The following SKI variants were observed in gnomAD, a reference collection of about 807,000 sequenced individuals.
The protein encoded by SKI is ski oncogene.
In SKI, 23 loss-of-function variants were observed where a neutral mutation model predicts 59.3. That is an observed-to-expected ratio of 0.39 (90% CI 0.28 to 0.55). SKI has a LOEUF of 0.55. Ranked by LOEUF, SKI falls within the 20% of genes least tolerant of loss-of-function variation. The pLI, the probability that SKI is intolerant of heterozygous loss-of-function variation, is 0.67. For missense variants in SKI, 1,017 were observed against 1,038.9 expected (o/e 0.98, Z 0.29); for synonymous variants, 673 against 488.6 (o/e 1.38, Z -4.98).
At chr1:2,272,716 G>T (rs1205975427) in intron 1 of SKI, among the ~76,000 whole-genome samples, 1 of 152,236 alleles carries the variant, frequency 6.6e-6, no homozygotes, top group Admixed American at 6.5e-5. Flanking sequence ...AAAACTCCCT[G>T]TTGAGGCCTT....
intron 1 of SKI, among the ~76,000 whole-genome samples, chr1:2,232,887 A>C (rs536779257): frequency 1.3e-5 from 2 of 152,302 alleles, no homozygotes; most frequent in Admixed American, 6.5e-5. Flanking sequence ...GGGAGCACTT[A>C]GCCAAGACTG....
At chr1:2,284,693 T>G (rs1028433634) in intron 1 of SKI, among the ~76,000 whole-genome samples, 4 of 152,292 alleles carry the variant, frequency 2.6e-5, no homozygotes, top group African/African-American at 9.6e-5. Flanking sequence ...CACCGGCCTA[T>G]GAGCCCTCCC....
At chr1:2,265,551 C>T (rs978357640) in intron 1 of SKI, among the ~76,000 whole-genome samples, 3 of 152,278 alleles carry the variant, frequency 2.0e-5, no homozygotes, top group African/African-American at 7.2e-5. Flanking sequence ...ATTTCTATGT[C>T]TGTGTCAATT....
At chr1:2,233,374 C>T (rs1638685662) in intron 1 of SKI, among the ~76,000 whole-genome samples, 1 of 152,164 alleles carries the variant, frequency 6.6e-6, no homozygotes, top group African/African-American at 2.4e-5. Context: ...AGCTGTTCTT[C>T]ACCTGCCACG....
At chr1:2,271,478 G>A (rs1238102193) in intron 1 of SKI, among the ~76,000 whole-genome samples, 1 of 152,122 alleles carries the variant, frequency 6.6e-6, no homozygotes, top group African/African-American at 2.4e-5. Flanking sequence ...TCTCTCAGAC[G>A]GCCTCCAGCG....
chr1:2,270,088 C>T lies in SKI; in HGVS notation c.970-32890C>T, dbSNP rs1197510805. Among the ~76,000 whole-genome samples, 1 of 152,124 alleles carries T rather than the reference C, an allele frequency of 6.6e-6. No individual in the cohort carries two copies. Among genetic ancestry groups the T allele is most frequent in the Non-Finnish European group, 1.5e-5 (1 of 68,010 alleles). The stretch of plus-strand genomic sequence containing the variant: ...GATGGATGAGCCTGCCTGTCCCCCA[C>T]GGATTGGAGTTTTGCCCAGGGGTGC... On this transcript the variant is annotated intron_variant, in intron 1 of 6. Transcript: ENST00000378536. The surrounding 1 kb of genome is among the most constrained non-coding windows in gnomAD (Gnocchi z 4.1).
chr1:2,240,323 G>C (rs568677085), intron 1 of SKI, among the ~76,000 whole-genome samples: 1 of 152,376 alleles, frequency 6.6e-6, no homozygotes, highest in Admixed American at 6.5e-5. Flanking sequence ...GGAGTCCTGG[G>C]CCTGGAGGAA....
chr1:2,303,920 G>A lies in SKI; in HGVS notation c.1292G>A (p.Ser431Asn). The change falls in exon 4 of 7, where the codon AGC (serine) becomes AAC (asparagine). Residue 431 changes from serine (S) to asparagine (N), a missense_variant. Transcript: ENST00000378536. This position sits in a 1 kb window ranked among gnomAD's most constrained non-coding sequence, Gnocchi z 5.6. ...CCGCCGGCCCAGCAGAAGGTTGTGA[G>A]CAGCCCTCCGTGTGCCGCCGCCGTC... ...LAPPAQQKVV[S>N]SPPCAAAVSR... 1 of 1,612,084 alleles carries A rather than the reference G, an allele frequency of 6.2e-7. No homozygotes were observed. Among genetic ancestry groups the A allele is most frequent in the South Asian group, 1.1e-5 (1 of 91,024 alleles).
chr1:2,276,558 A>G (rs1421536645), intron 1 of SKI, among the ~76,000 whole-genome samples: 2 of 152,234 alleles, frequency 1.3e-5, no homozygotes, highest in Non-Finnish European at 2.9e-5. Flanking sequence ...TTTAGATCCC[A>G]TAAGCAAGAG....
chr1:2,290,365 G>A (rs1423667408), intron 1 of SKI, among the ~76,000 whole-genome samples: 2 of 152,170 alleles, frequency 1.3e-5, no homozygotes, highest in Non-Finnish European at 2.9e-5. Context: ...CCAGCCTTCT[G>A]TGCGGGACAC....
chr1:2,256,494 C>T (rs1639277756), intron 1 of SKI, among the ~76,000 whole-genome samples: 1 of 152,234 alleles, frequency 6.6e-6, no homozygotes, highest in Admixed American at 6.5e-5. Flanking sequence ...CTGGCCCTCA[C>T]CTGCCCGCCC....
chr1:2,285,657 C>T (rs1428075353), intron 1 of SKI, among the ~76,000 whole-genome samples: 2 of 150,992 alleles, frequency 1.3e-5, no homozygotes, highest in African/African-American at 2.4e-5. Flanking sequence ...CTCCGCCTCC[C>T]GGGTTCAGGC....
intron 1 of SKI, among the ~76,000 whole-genome samples, chr1:2,266,562 C>T (rs902929966): frequency 1.3e-5 from 2 of 152,188 alleles, no homozygotes; most frequent in African/African-American, 4.8e-5. Context: ...CCGTCCTTTG[C>T]TGCCTGACCT....
chr1:2,283,394 A>T (rs962821079), intron 1 of SKI, among the ~76,000 whole-genome samples: 1 of 152,116 alleles, frequency 6.6e-6, no homozygotes, highest in Non-Finnish European at 1.5e-5. Context: ...CTCTGTGAAA[A>T]TGGGGGTGAG....
At chr1:2,306,467 C>T (rs995384323) in intron 6 of SKI, 110 bp from the exon 7 acceptor site, 4 of 1,195,766 alleles carry the variant, frequency 3.3e-6, no homozygotes, top group African/African-American at 1.5e-5. Flanking sequence ...GGCCGGCACG[C>T]GGCACTGGGG....
intron 1 of SKI, 63 bp from the exon 2 acceptor site, chr1:2,302,907 AGCCACGGG>A: frequency 6.2e-7 from 1 of 1,606,032 alleles, no homozygotes; most frequent in Non-Finnish European, 8.5e-7. Context: ...GCCATGTGCC[AGCCACGGG>A]GCTGGTGGAG....
rs1354243733 is a variant in SKI at position 2,270,589 on chromosome 1, C to T, written c.970-32389C>T. On this transcript the variant is annotated intron_variant, in intron 1 of 6. Coordinates refer to ENST00000378536, the MANE Select transcript of SKI (RefSeq NM_003036.4). The surrounding 1 kb of genome is among the most constrained non-coding windows in gnomAD (Gnocchi z 4.1). ...GAAACAAGCTGCCGGCTGAGGAGGC[C>T]GCACTCCCCGTGCCTCCCGGGCAGA... Among the ~76,000 whole-genome samples, 4 of 152,102 alleles carry T rather than the reference C, an allele frequency of 2.6e-5. No homozygotes were observed. The highest frequency in any genetic ancestry group is 4.4e-5 in the Non-Finnish European group (3 of 67,938).
rs555788770 is a variant in SKI, at chr1:2,231,998, C to T, written c.969+2263C>T. ...GTGCGTGTCTCTGTGTGCACAGGAG[C>T]GACACATGAGAAGGGAGTGTGGTCT... On this transcript the variant is annotated intron_variant, in intron 1 of 6. Transcript: ENST00000378536. Among the ~76,000 whole-genome samples the T allele has an allele frequency of 1.1e-4, 17 of 152,304 alleles. No homozygotes were observed. In the South Asian group the frequency reaches 1.2e-3, roughly 11 times the overall value.
chr1:2,299,312 C>G lies in SKI; in HGVS notation c.970-3666C>G, dbSNP rs536872604. Among the ~76,000 whole-genome samples the G allele has an allele frequency of 5.9e-5, 9 of 152,260 alleles. No homozygotes were observed. The East Asian group carries it at 1.7e-3, about 29-fold the overall frequency. ...CTTGTGCCCATGTCCTCCTCACGGA[C>G]TCTGGAAGTGAGAGGCGCTGAGGCC... On this transcript the variant is annotated intron_variant, in intron 1 of 6. Coordinates refer to ENST00000378536, the MANE Select transcript of SKI (RefSeq NM_003036.4).
Sources: allele counts gnomAD v4.1 joint callset (sites outside exome capture counted in the v4.1 genomes callset), GRCh38; gene constraint gnomAD v4.1.1; non-coding constraint Gnocchi (gnomAD v3.1); transcripts MANE v1.5; gene names NCBI Gene and HGNC (gene_info 2026-07-23, HGNC 2026-07-21).